Variants in TRA2B observed in about 807,000 individuals in gnomAD.
TRA2B encodes the protein transformer 2 beta homolog.
TRA2B carries 14 observed loss-of-function variants against 41.7 expected under a neutral mutation model. The ratio of observed to expected loss-of-function variants is 0.34; its 90% CI spans 0.22 to 0.53. The LOEUF (loss-of-function observed/expected upper bound fraction) is 0.53. Among genes scored for constraint, TRA2B ranks in the 20% least tolerant of loss-of-function variants. The pLI, the probability that TRA2B is intolerant of heterozygous loss-of-function variation, is 0.95. For synonymous variants in TRA2B, 130 were observed against 128.8 expected (o/e 1.01, Z -0.06); for missense variants, 167 against 396.8 (o/e 0.42, Z 4.92).
rs1467268249 is a variant in TRA2B at position 185,914,913 on chromosome 3, G to A, written c.*2802C>T. Among the ~76,000 whole-genome samples the A allele has an allele frequency of 1.3e-5, 2 of 152,022 alleles. No individual in the cohort carries two copies. Among genetic ancestry groups the A allele is most frequent in the African/African-American group, 2.4e-5 (1 of 41,390 alleles). On this transcript the variant is annotated 3_prime_UTR_variant, in exon 9 of 9. Coordinates refer to ENST00000453386, the MANE Select transcript of TRA2B (RefSeq NM_004593.3). ...TGGGCCTTGCAGAATTGGAATCCTA[G>A]TCAATGGTGTAAGAGGGCTAAGAGC...
chr3:185,932,372 G>A (rs1428116425), intron 1 of TRA2B, among the ~76,000 whole-genome samples: 2 of 152,112 alleles, frequency 1.3e-5, no homozygotes, highest in African/African-American at 2.4e-5. Flanking sequence ...TATTTAAAGA[G>A]CTCTGCAGAA....
rs182271961 is a variant in TRA2B, at chr3:185,936,727, T to C, written c.36+1098A>G. 17 of 985,112 alleles carry C rather than the reference T, an allele frequency of 1.7e-5. No individual in the cohort carries two copies. The Admixed American group carries it at 4.3e-4, about 25-fold the overall frequency. The allele number at this position is 985,112 out of a possible 1,614,324, so 61.0% of individuals were successfully genotyped here. A position where few individuals can be genotyped will look rare whatever the true frequency, so the allele number is the denominator to read the frequency against. ...TTATTCCCACAGCCTCAAAAATCAA[T>C]TTCTATGGTGCTTTTCTATCACCCT... On this transcript the variant is annotated intron_variant, in intron 1 of 8. Coordinates refer to ENST00000453386, the MANE Select transcript of TRA2B (RefSeq NM_004593.3).
chr3:185,915,778 C>T lies in TRA2B; in HGVS notation c.*1937G>A, dbSNP rs1166092543. 6.6e-6 allele frequency: 1 copy of T among 152,064 alleles called. No individual in the cohort carries two copies. Among genetic ancestry groups the T allele is most frequent in the Non-Finnish European group, 1.5e-5 (1 of 68,014 alleles). 9.4% of individuals were successfully genotyped at this position (152,064 alleles called of 1,614,324 possible). ...TAGGATAGAAACCGAGGGTTATGTT[C>T]GAGATTATCAGGAGTGTGAACTCGC... On this transcript the variant is annotated 3_prime_UTR_variant, in exon 9 of 9. Transcript: ENST00000453386.
chr3:185,918,556 G>C (rs768451429), intron 7 of TRA2B, 118 bp from the exon 8 acceptor site: 12 of 589,724 alleles, frequency 2.0e-5, no homozygotes, highest in Middle Eastern at 2.8e-4. Flanking sequence ...AAAGCTGCAT[G>C]AACCTTCAAG....
chr3:185,935,257 CTTT>C, intron 1 of TRA2B: 1 of 985,408 alleles, frequency 1.0e-6, no homozygotes, highest in African/African-American at 1.7e-5. Flanking sequence ...CGAGATCTTA[CTTT>C]TGAAAGTGGT....
rs979281817 is a variant in TRA2B, at chr3:185,925,703, C to T, written c.171-77G>A. 26 of 1,434,442 alleles carry T rather than the reference C, an allele frequency of 1.8e-5. 1 individual carries two copies. The South Asian group carries it at 3.9e-4, about 21-fold the overall frequency. The allele number at this position is 1,434,442 out of a possible 1,614,324, so 88.9% of individuals were successfully genotyped here. Reference sequence around the variant, plus strand: ...TTTATTACTCTGTTCTAAAGTTAAACTCCAAAAGAGGGAACAATCCAGGAA... The same window carrying T: ...TTTATTACTCTGTTCTAAAGTTAAATTCCAAAAGAGGGAACAATCCAGGAA... On this transcript the variant is annotated intron_variant, in intron 2 of 8. Transcript: ENST00000453386.
chr3:185,925,237 TAAG>T (rs1191031348), intron 3 of TRA2B: 4 of 432,518 alleles, frequency 9.2e-6, no homozygotes, highest in Non-Finnish European at 1.2e-5. Context: ...TTTGATGGGC[TAAG>T]GAGTTACACC....
In TRA2B at chr3:185,917,403, T is replaced by C. The variant is rs1388564623; in HGVS notation, c.*312A>G. On this transcript the variant is annotated 3_prime_UTR_variant, in exon 9 of 9. Transcript: ENST00000453386. ...ACAGGCTTCGATCTTCAGAATACCC[T>C]GGATTCAGTAGAAAAACCTTTTAAA... The C allele has an allele frequency of 2.8e-6, 1 of 351,962 alleles. No individual in the cohort carries two copies. The highest frequency in any genetic ancestry group is 7.6e-5 in the South Asian group (1 of 13,074). The allele number at this position is 351,962 out of a possible 1,614,324, so 21.8% of individuals were successfully genotyped here.
rs1440944261 is a variant in TRA2B at position 185,917,503 on chromosome 3, T to C, written c.*212A>G. 1 of 498,704 alleles carries C rather than the reference T, an allele frequency of 2.0e-6. No homozygotes were observed. The highest frequency in any genetic ancestry group is 3.3e-5 in the East Asian group (1 of 30,176). The allele number at this position is 498,704 out of a possible 1,614,324, so 30.9% of individuals were successfully genotyped here. On this transcript the variant is annotated 3_prime_UTR_variant, in exon 9 of 9. Coordinates refer to ENST00000453386, the MANE Select transcript of TRA2B (RefSeq NM_004593.3). ...AAAAAATACATGCAAAACATACTTT[T>C]CTGAAAACACTTAACTTGGAACAAA...
At position 185,917,124 on chromosome 3, in the gene TRA2B, T is replaced by A. The variant is rs1743529939; in HGVS notation, c.*591A>T. 1 of 152,346 alleles carries A rather than the reference T, an allele frequency of 6.6e-6. No homozygotes were observed. Among genetic ancestry groups the A allele is most frequent in the Non-Finnish European group, 1.5e-5 (1 of 68,136 alleles). The allele number at this position is 152,346 out of a possible 1,614,324, so 9.4% of individuals were successfully genotyped here. A position where few individuals can be genotyped will look rare whatever the true frequency, so the allele number is the denominator to read the frequency against. ...AAAAGCCGACAAATCCACATTGATA[T>A]AAGCATTAAGCACTGGCTGTATTTT... On this transcript the variant is annotated 3_prime_UTR_variant, in exon 9 of 9. Transcript: ENST00000453386.
intron 2 of TRA2B, among the ~76,000 whole-genome samples, chr3:185,925,887 C>A (rs373971525): frequency 6.6e-6 from 1 of 152,182 alleles, no homozygotes; most frequent in Admixed American, 6.5e-5. Context: ...AATCAAGGCA[C>A]GCAGCATTTT....
In TRA2B at chr3:185,932,352, T is replaced by C. The variant is rs1472414400; in HGVS notation, c.36+5473A>G. On this transcript the variant is annotated intron_variant, in intron 1 of 8. Coordinates refer to ENST00000453386, the MANE Select transcript of TRA2B (RefSeq NM_004593.3). ...AAGAAACGTATTTAGCGTCACACAT[T>C]TTTGTACTGTATTTAAAGAGCTCTG... Among the ~76,000 whole-genome samples the C allele has an allele frequency of 2.6e-5, 4 of 152,144 alleles. No homozygotes were observed. In the East Asian group the frequency reaches 7.7e-4, roughly 29 times the overall value.
At position 185,925,567 on chromosome 3, in the gene TRA2B, G is replaced by C; in HGVS notation, c.230C>G (p.Ser77Cys). 6.2e-7 allele frequency: 1 copy of C among 1,614,190 alleles called. No individual in the cohort carries two copies. Residue 77 changes from serine (S) to cysteine (C), a missense_variant, in exon 3 of 9, where the codon TCC (serine) becomes TGC (cysteine). Ser to Cys is a moderately radical substitution (Grantham distance 112). Transcript: ENST00000453386. ...AGACCTGCTACGTGATCGTCTATGG[G>C]AGCGGGAGCGAGACCGTGACCGGGT... The part of the protein sequence containing the change: ...HYTRSRSRSR[S>C]HRRSRSRSYS...
At chr3:185,929,993 GCCT>G (rs1484090487) in intron 1 of TRA2B, among the ~76,000 whole-genome samples, 1 of 152,112 alleles carries the variant, frequency 6.6e-6, no homozygotes, top group African/African-American at 2.4e-5. Flanking sequence ...ACAGAAGCCG[GCCT>G]CCTCCTCATC....
intron 1 of TRA2B, chr3:185,934,368 TA>T: frequency 3.0e-6 from 3 of 985,400 alleles, no homozygotes; most frequent in Non-Finnish European, 3.6e-6. Context: ...CAAATCCCAT[TA>T]ACACTTCCCC....
At chr3:185,926,851 T>G (rs549962741) in intron 1 of TRA2B, 117 bp from the exon 2 acceptor site, 11 of 1,293,638 alleles carry the variant, frequency 8.5e-6, no homozygotes, top group Non-Finnish European at 1.2e-5. Context: ...TAAGAAAATA[T>G]AGGTAAGGGC....
chr3:185,937,574 A>C (rs750102481), intron 1 of TRA2B: 380 of 594,508 alleles, frequency 6.4e-4, no homozygotes, highest in Non-Finnish European at 7.5e-4. Context: ...CCCTCTTATA[A>C]CGGGAAAAAC....
chr3:185,927,329 T>C (rs1405389457), intron 1 of TRA2B: 2 of 152,148 alleles, frequency 1.3e-5, no homozygotes, highest in East Asian at 1.9e-4. Flanking sequence ...TAAAACCCTA[T>C]TGCATCTAAC....
intron 6 of TRA2B, among the ~76,000 whole-genome samples, chr3:185,919,807 G>C (rs1743646781): frequency 6.6e-6 from 1 of 152,070 alleles, no homozygotes; most frequent in Non-Finnish European, 1.5e-5. Context: ...AATAAAAAAA[G>C]GGTTTTCATG....
Sources: allele counts gnomAD v4.1 joint callset (sites outside exome capture counted in the v4.1 genomes callset), GRCh38; gene constraint gnomAD v4.1.1; transcripts MANE v1.5; gene names NCBI Gene and HGNC (gene_info 2026-07-23, HGNC 2026-07-21).